NUDT3: variants seen among roughly 807,000 people sequenced by gnomAD.
NUDT3 encodes the protein nudix hydrolase 3.
In NUDT3, 9 loss-of-function variants were observed where a neutral mutation model predicts 23.6. That is an observed-to-expected ratio of 0.38 (90% CI 0.23 to 0.66). The LOEUF (loss-of-function observed/expected upper bound fraction) is 0.66. Among genes scored for constraint, NUDT3 ranks in the 30% least tolerant of loss-of-function variants. The pLI is 0.52. For missense variants in NUDT3, 172 were observed against 218.5 expected, an observed-to-expected ratio of 0.79 and a Z score of 1.34; for synonymous variants, 86 against 82.6, an observed-to-expected ratio of 1.04 and a Z score of -0.22.
intron 1 of NUDT3, among the ~76,000 whole-genome samples, chr6:34,385,031 A>C (rs1581904625): frequency 1.4e-5 from 1 of 70,540 alleles, no homozygotes; most frequent in African/African-American, 1.0e-4. Flanking sequence ...CCTGCCTCCA[A>C]AAAAAAAAAA....
At chr6:34,289,522 G>A (rs573611305) in intron 4 of NUDT3, among the ~76,000 whole-genome samples, 63 of 152,292 alleles carry the variant, frequency 4.1e-4, no homozygotes, top group African/African-American at 1.4e-3. Context: ...AGCTGTCATC[G>A]CGCCACTGCA....
At chr6:34,344,339 A>G (rs891938476) in intron 1 of NUDT3, among the ~76,000 whole-genome samples, 1 of 152,184 alleles carries the variant, frequency 6.6e-6, no homozygotes, top group African/African-American at 2.4e-5. Flanking sequence ...GCCTATACAC[A>G]CAATGGAATA....
chr6:34,348,633 G>T (rs529376061), intron 1 of NUDT3, among the ~76,000 whole-genome samples: 50 of 151,900 alleles, frequency 3.3e-4, no homozygotes, highest in East Asian at 2.5e-3. Flanking sequence ...AAAATTAGCC[G>T]GGCGTGGTGG....
chr6:34,323,941 T>C (rs1363994862), intron 2 of NUDT3, among the ~76,000 whole-genome samples: 1 of 152,232 alleles, frequency 6.6e-6, no homozygotes, highest in African/African-American at 2.4e-5. Context: ...GAACACGTAT[T>C]ATTTTTATGA....
chr6:34,355,927 C>T (rs1374677465), intron 1 of NUDT3, among the ~76,000 whole-genome samples: 1 of 152,136 alleles, frequency 6.6e-6, no homozygotes, highest in Non-Finnish European at 1.5e-5. Flanking sequence ...CATACCTCCC[C>T]TATGCATCTC....
intron 1 of NUDT3, among the ~76,000 whole-genome samples, chr6:34,373,953 A>G (rs1764879442): frequency 6.6e-6 from 1 of 152,080 alleles, no homozygotes; most frequent in South Asian, 2.1e-4. Flanking sequence ...CAGGAGTTTG[A>G]GACCAGCCTG....
At chr6:34,347,378 A>G (rs1477554144) in intron 1 of NUDT3, among the ~76,000 whole-genome samples, 1 of 152,172 alleles carries the variant, frequency 6.6e-6, no homozygotes, top group African/African-American at 2.4e-5. Flanking sequence ...GACCTTTTTG[A>G]AGCTTTAGTC....
intron 1 of NUDT3, among the ~76,000 whole-genome samples, chr6:34,368,829 G>A (rs750489899): frequency 3.3e-5 from 5 of 152,072 alleles, no homozygotes; most frequent in Admixed American, 6.5e-5. Context: ...TAGCAGAGAC[G>A]GGGTTTCACC....
At position 34,311,590 on chromosome 6, in the gene NUDT3, A is replaced by G. The variant is rs1763773243; in HGVS notation, c.211-15905T>C. ...TATTGAAAAAGTGATCCTAAAGTTT[A>G]TAAGGAGATGCAAAAGCCCAGACAG... On this transcript the variant is annotated intron_variant, in intron 2 of 4. Coordinates refer to ENST00000607016, the MANE Select transcript of NUDT3 (RefSeq NM_006703.4). 2.0e-5 allele frequency among the ~76,000 whole-genome samples: 3 copies of G among 152,212 alleles called. No homozygotes were observed. The South Asian group carries it at 6.2e-4, about 32-fold the overall frequency.
At chr6:34,296,885 G>A (rs1452527485) in intron 2 of NUDT3, among the ~76,000 whole-genome samples, 2 of 151,162 alleles carry the variant, frequency 1.3e-5, no homozygotes, top group African/African-American at 2.4e-5. Context: ...TACACAGAGT[G>A]ATGTGATGAC....
At chr6:34,368,071 T>C (rs1227094683) in intron 1 of NUDT3, among the ~76,000 whole-genome samples, 1 of 152,098 alleles carries the variant, frequency 6.6e-6, no homozygotes, top group Non-Finnish European at 1.5e-5. Flanking sequence ...CGTGGTGGCA[T>C]GTGCCTGTAG....
chr6:34,387,362 G>C (rs1335187913), intron 1 of NUDT3, among the ~76,000 whole-genome samples: 1 of 152,130 alleles, frequency 6.6e-6, no homozygotes, highest in Admixed American at 6.6e-5. Flanking sequence ...GGAGGTGGAA[G>C]ACAGTGATAC....
Position 34,288,557 on chromosome 6 carries a change from C to T in NUDT3, c.*196G>A, listed in dbSNP as rs2113689269. Reference sequence around the variant, plus strand: ...TACAAATTACACACCCAACCCCCACCCTCAATAAAAACAGAAGAAAAAGCC... The same window carrying T: ...TACAAATTACACACCCAACCCCCACTCTCAATAAAAACAGAAGAAAAAGCC... On this transcript the variant is annotated 3_prime_UTR_variant, in exon 5 of 5. Coordinates refer to ENST00000607016, the MANE Select transcript of NUDT3 (RefSeq NM_006703.4). The T allele has an allele frequency of 4.3e-6, 3 of 698,396 alleles. No individual in the cohort carries two copies. Among genetic ancestry groups the T allele is most frequent in the Non-Finnish European group, 6.7e-6 (3 of 448,692 alleles). The allele number at this position is 698,396 out of a possible 1,614,324, so 43.3% of individuals were successfully genotyped here.
intron 1 of NUDT3, among the ~76,000 whole-genome samples, chr6:34,348,865 CTT>C (rs1161020429): frequency 1.2e-4 from 17 of 143,124 alleles, no homozygotes; most frequent in Non-Finnish European, 1.1e-4. Context: ...GAAGGTTTCT[CTT>C]TTTTTTTTTT....
intron 1 of NUDT3, among the ~76,000 whole-genome samples, chr6:34,365,967 G>A (rs952329800): frequency 1.1e-4 from 17 of 152,130 alleles, no homozygotes; most frequent in East Asian, 1.9e-4. Flanking sequence ...CTTGAGCCCC[G>A]GAGGCAGAGG....
chr6:34,291,793 G>A (rs1375949880), intron 4 of NUDT3, among the ~76,000 whole-genome samples: 2 of 152,156 alleles, frequency 1.3e-5, no homozygotes, highest in South Asian at 2.1e-4. Context: ...GTGAGCCACT[G>A]CAACTGCAGT....
chr6:34,346,601 A>G (rs1476331803), intron 1 of NUDT3, among the ~76,000 whole-genome samples: 1 of 152,234 alleles, frequency 6.6e-6, no homozygotes, highest in Non-Finnish European at 1.5e-5. Context: ...AGCCATGACT[A>G]TATGAACTAG....
intron 1 of NUDT3, among the ~76,000 whole-genome samples, chr6:34,361,664 T>G (rs1764652156): frequency 6.6e-6 from 1 of 152,190 alleles, no homozygotes; most frequent in African/African-American, 2.4e-5. Context: ...TAAGGTGTGG[T>G]ACAACCACAT....
At chr6:34,352,243 C>T (rs563063362) in intron 1 of NUDT3, among the ~76,000 whole-genome samples, 1 of 152,278 alleles carries the variant, frequency 6.6e-6, no homozygotes, top group East Asian at 1.9e-4. Flanking sequence ...TGGCTCACTG[C>T]AGCCTCAACT....
Sources: allele counts gnomAD v4.1 joint callset (sites outside exome capture counted in the v4.1 genomes callset), GRCh38; gene constraint gnomAD v4.1.1; transcripts MANE v1.5; gene names NCBI Gene and HGNC (gene_info 2026-07-23, HGNC 2026-07-21).